Variants in PCDH11X observed in about 807,000 individuals in gnomAD.
PCDH11X encodes the protein protocadherin 11 X-linked.
In PCDH11X, 18 loss-of-function variants were observed where a neutral mutation model predicts 53.3. The observed-to-expected ratio is 0.34, with a 90% CI of 0.23 to 0.50. The LOEUF (loss-of-function observed/expected upper bound fraction) is 0.50, where lower values mean the gene tolerates loss of function less well. Among genes scored for constraint, PCDH11X ranks in the 20% least tolerant of loss-of-function variants. The pLI is 0.98. For synonymous variants in PCDH11X, 279 were observed against 393.3 expected (o/e 0.71, Z 3.44); for missense variants, 570 against 1,032.4 (o/e 0.55, Z 6.14).
At chrX:92,607,702 C>T (rs1027085978) in intron 10 of PCDH11X, among the ~76,000 whole-genome samples, 2 of 111,638 alleles carry the variant, frequency 1.8e-5, no homozygotes, top group African/African-American at 6.5e-5. Flanking sequence ...TTCCTCATCA[C>T]AAATAGGCTA....
chrX:91,876,683 G>T, intron 5 of PCDH11X, 98 bp from the exon 6 acceptor site: 2 of 874,774 alleles, frequency 2.3e-6, no homozygotes. Context: ...CATTAGATAA[G>T]CTAACATAAG....
intron 6 of PCDH11X, among the ~76,000 whole-genome samples, chrX:92,069,369 T>C (rs780171631): frequency 2.1e-4 from 23 of 110,831 alleles, no homozygotes; most frequent in Non-Finnish European, 3.8e-4. Flanking sequence ...TCTTTATAGG[T>C]GAAATGTGTT....
At chrX:92,344,138 C>G (rs1233429072) in intron 8 of PCDH11X, among the ~76,000 whole-genome samples, 3 of 103,493 alleles carry the variant, frequency 2.9e-5, no homozygotes, top group Admixed American at 2.1e-4. Flanking sequence ...ATGCTAGGCA[C>G]ATTATTTTGG....
At chrX:92,532,532 AAAC>A (rs775038354) in intron 10 of PCDH11X, among the ~76,000 whole-genome samples, 88 of 109,768 alleles carry the variant, frequency 8.0e-4, no homozygotes, top group Non-Finnish European at 1.5e-4. Context: ...TCATGTAAAA[AAAC>A]AACATGAAAA....
intron 6 of PCDH11X, among the ~76,000 whole-genome samples, chrX:91,997,590 C>G (rs1457307240): frequency 9.0e-6 from 1 of 111,360 alleles, no homozygotes; most frequent in Non-Finnish European, 1.9e-5. Context: ...GGTGTATGAT[C>G]TTTTTAATGT....
intron 8 of PCDH11X, among the ~76,000 whole-genome samples, chrX:92,340,467 A>G (rs1211215840): frequency 8.9e-6 from 1 of 112,048 alleles, no homozygotes; most frequent in Non-Finnish European, 1.9e-5. Flanking sequence ...AGGCTTATTC[A>G]TACATCCTCT....
intron 10 of PCDH11X, among the ~76,000 whole-genome samples, chrX:92,508,643 T>C (rs2074110472): frequency 9.1e-6 from 1 of 109,858 alleles, no homozygotes; most frequent in Non-Finnish European, 1.9e-5. Flanking sequence ...TAAATCAATA[T>C]AAAAATAAAT....
At chrX:92,529,839 A>C (rs2148724996) in intron 10 of PCDH11X, among the ~76,000 whole-genome samples, 1 of 108,135 alleles carries the variant, frequency 9.2e-6, no homozygotes, top group East Asian at 3.0e-4. Flanking sequence ...GTCAATAATG[A>C]CATCCATTAT....
chrX:92,293,097 T>A (rs1234117730), intron 8 of PCDH11X, among the ~76,000 whole-genome samples: 1 of 106,212 alleles, frequency 9.4e-6, no homozygotes, highest in African/African-American at 3.5e-5. Context: ...CATGAAAATG[T>A]CTTCTACAGA....
chrX:92,411,216 G>A (rs901404935), intron 9 of PCDH11X, among the ~76,000 whole-genome samples: 5 of 109,980 alleles, frequency 4.5e-5, no homozygotes, highest in African/African-American at 1.3e-4. Flanking sequence ...ACACATTAAC[G>A]TTATATTTCC....
chrX:92,142,370 GCACACACACACACA>G (rs201418320), intron 6 of PCDH11X, among the ~76,000 whole-genome samples: 1 of 95,570 alleles, frequency 1.0e-5, no homozygotes, highest in African/African-American at 4.0e-5. Context: ...GTGCGCGCGC[GCACACACACACACA>G]CACACACACA....
intron 8 of PCDH11X, among the ~76,000 whole-genome samples, chrX:92,278,749 A>G (rs1294461490): frequency 9.2e-6 from 1 of 109,227 alleles, no homozygotes; most frequent in African/African-American, 3.4e-5. Context: ...TATCCGTGCA[A>G]GTCACAGGGG....
chrX:91,956,476 T>A (rs938770145), intron 6 of PCDH11X, among the ~76,000 whole-genome samples: 1 of 110,758 alleles, frequency 9.0e-6, no homozygotes, highest in African/African-American at 3.3e-5. Flanking sequence ...AGCCTTCGCT[T>A]GTCTGAAAAG....
chrX:92,528,656 A>T (rs1443327324), intron 10 of PCDH11X, among the ~76,000 whole-genome samples: 2 of 111,947 alleles, frequency 1.8e-5, no homozygotes, highest in Admixed American at 1.9e-4. Context: ...CCATTTCCAT[A>T]TAATCCTGAC....
intron 6 of PCDH11X, among the ~76,000 whole-genome samples, chrX:91,959,025 G>A (rs959005054): frequency 3.8e-5 from 4 of 106,579 alleles, no homozygotes; most frequent in African/African-American, 7.0e-5. Context: ...CCTAGCTATC[G>A]GTAGTGTCAA....
intron 6 of PCDH11X, among the ~76,000 whole-genome samples, chrX:92,001,528 G>A (rs2062509990): frequency 9.5e-6 from 1 of 104,787 alleles, no homozygotes; most frequent in East Asian, 3.0e-4. Context: ...GAGTGCAATG[G>A]CGTGCTCTCG....
intron 7 of PCDH11X, among the ~76,000 whole-genome samples, chrX:92,221,326 C>CACAT (rs1491032276): frequency 1.1e-5 from 1 of 93,229 alleles, no homozygotes; most frequent in African/African-American, 4.4e-5. Flanking sequence ...CACACACACA[C>CACAT]ATATATACGA....
chrX:91,893,340 G>T (rs1940590999), intron 6 of PCDH11X, among the ~76,000 whole-genome samples: 1 of 104,397 alleles, frequency 9.6e-6, no homozygotes, highest in Non-Finnish European at 2.0e-5. Flanking sequence ...AGGGGTGAGA[G>T]AACCGCATTT....
At chrX:92,016,556 C>G (rs750815952) in intron 6 of PCDH11X, among the ~76,000 whole-genome samples, 2 of 104,986 alleles carry the variant, frequency 1.9e-5, no homozygotes, top group East Asian at 6.3e-4. Context: ...GGCTTCTTTC[C>G]TTAAACCTCA....
Sources: gnomAD v4.1 joint callset for allele counts (sites outside exome capture counted in the v4.1 genomes callset) on GRCh38, gnomAD v4.1.1 for gene constraint, MANE v1.5 for transcripts, NCBI Gene and HGNC (gene_info 2026-07-23, HGNC 2026-07-21) for gene names.